The following AGMO variants were observed in gnomAD, a reference collection of about 807,000 sequenced individuals.
AGMO encodes the protein alkylglycerol monooxygenase, also known as glyceryl-ether monooxygenase.
A neutral mutation model predicts 60.2 loss-of-function variants in AGMO; 75 were observed. The ratio of observed to expected loss-of-function variants is 1.25; its 90% CI spans 1.03 to 1.51. The LOEUF (loss-of-function observed/expected upper bound fraction) is 1.51. Ranked by LOEUF, AGMO falls within the 40% of genes most tolerant of loss-of-function variation. AGMO has a pLI of 0.00. For missense variants in AGMO, 763 were observed against 525.5 expected, an observed-to-expected ratio of 1.45 and a Z score of -4.42; for synonymous variants, 261 against 177.1, an observed-to-expected ratio of 1.47 and a Z score of -3.76.
chr7:15,124,284 A>C, the AGMO span, among the ~76,000 whole-genome samples: 7 of 150,898 alleles, frequency 4.6e-5, no homozygotes, highest in East Asian at 1.2e-3. Flanking sequence ...CACCTGAGCC[A>C]CTTATCTCTG....
chr7:15,428,623 TG>T (rs1167353923), intron 4 of AGMO, among the ~76,000 whole-genome samples: 1 of 152,108 alleles, frequency 6.6e-6, no homozygotes, highest in African/African-American at 2.4e-5. Context: ...ACTGATGTTG[TG>T]GGCTTCTTTA....
the AGMO span, among the ~76,000 whole-genome samples, chr7:15,129,279 T>C: frequency 0.019 from 2,540 of 132,548 alleles, 75 homozygotes; most frequent in African/African-American, 0.06. Context: ...CTTTTACTTA[T>C]AGTGCCTGGC....
the AGMO span, among the ~76,000 whole-genome samples, chr7:15,131,292 A>G: frequency 6.6e-6 from 1 of 152,278 alleles, no homozygotes; most frequent in East Asian, 1.9e-4. Flanking sequence ...TTAGAGCTCC[A>G]TAACTTAAAA....
intron 12 of AGMO, among the ~76,000 whole-genome samples, chr7:15,225,902 T>G (rs1782067287): frequency 1.3e-5 from 2 of 152,010 alleles, no homozygotes; most frequent in African/African-American, 4.8e-5. Flanking sequence ...AATTCTCTTC[T>G]TACCCTGGCA....
intron 12 of AGMO, among the ~76,000 whole-genome samples, chr7:15,260,931 A>T (rs530041316): frequency 6.6e-6 from 1 of 152,308 alleles, no homozygotes; most frequent in African/African-American, 2.4e-5. Flanking sequence ...GTCAACAATG[A>T]AATCAAGATG....
At chr7:15,432,482 G>C (rs1457883592) in intron 3 of AGMO, among the ~76,000 whole-genome samples, 1 of 150,466 alleles carries the variant, frequency 6.6e-6, no homozygotes, top group East Asian at 1.9e-4. Context: ...AAAAGGTCTT[G>C]GTAAACAAAT....
At chr7:15,340,890 G>T (rs1286828261) in intron 12 of AGMO, among the ~76,000 whole-genome samples, 1 of 152,108 alleles carries the variant, frequency 6.6e-6, no homozygotes, top group Non-Finnish European at 1.5e-5. Context: ...CCGTTCTCGA[G>T]ACCGCAGAAT....
intron 12 of AGMO, among the ~76,000 whole-genome samples, chr7:15,253,917 T>G (rs1783020240): frequency 6.6e-6 from 1 of 152,118 alleles, no homozygotes; most frequent in Non-Finnish European, 1.5e-5. Context: ...GATCAATATT[T>G]TCAACTCCAT....
intron 5 of AGMO, among the ~76,000 whole-genome samples, chr7:15,408,591 T>C (rs944138559): frequency 7.2e-5 from 11 of 151,848 alleles, no homozygotes; most frequent in Middle Eastern, 6.8e-3. Flanking sequence ...TAGGTACACA[T>C]TGGGGCTCTT....
the AGMO span, among the ~76,000 whole-genome samples, chr7:15,185,949 C>T: frequency 1.3e-5 from 2 of 152,170 alleles, no homozygotes; most frequent in Non-Finnish European, 2.9e-5. Context: ...ACTCTGTATA[C>T]AGAATTTTAA....
intron 12 of AGMO, among the ~76,000 whole-genome samples, chr7:15,233,433 TGAGG>T (rs1011994522): frequency 6.6e-5 from 10 of 151,984 alleles, no homozygotes; most frequent in African/African-American, 2.4e-4. Flanking sequence ...CCAGGGAGAC[TGAGG>T]GAGGGATTCG....
At chr7:15,352,907 T>G (rs557616418) in intron 12 of AGMO, among the ~76,000 whole-genome samples, 1 of 152,184 alleles carries the variant, frequency 6.6e-6, no homozygotes. Flanking sequence ...CTCTATATCA[T>G]AAGATTGTGT....
intron 3 of AGMO, among the ~76,000 whole-genome samples, chr7:15,474,780 AT>A (rs1201450559): frequency 2.6e-5 from 4 of 152,046 alleles, no homozygotes; most frequent in African/African-American, 9.7e-5. Context: ...ATAGGAGAAA[AT>A]TTTTGCAATC....
chr7:15,224,666 C>T (rs1244684873), intron 12 of AGMO, among the ~76,000 whole-genome samples: 2 of 152,014 alleles, frequency 1.3e-5, no homozygotes, highest in South Asian at 2.1e-4. Context: ...TGCCTCATGT[C>T]CCTGAAACTC....
chr7:15,559,357 C>A (rs541674905), intron 2 of AGMO, among the ~76,000 whole-genome samples: 9 of 152,048 alleles, frequency 5.9e-5, no homozygotes, highest in Admixed American at 1.3e-4. Flanking sequence ...GGGATAAGCA[C>A]ACAATTCCAT....
intron 5 of AGMO, among the ~76,000 whole-genome samples, chr7:15,416,255 A>G (rs969446952): frequency 1.3e-5 from 2 of 151,996 alleles, no homozygotes; most frequent in African/African-American, 4.8e-5. Flanking sequence ...GCTGGTCACA[A>G]ACTCCTGACC....
At chr7:15,491,684 G>T (rs1347515359) in intron 3 of AGMO, among the ~76,000 whole-genome samples, 1 of 152,128 alleles carries the variant, frequency 6.6e-6, no homozygotes, top group Non-Finnish European at 1.5e-5. Context: ...GTGAGAACAT[G>T]GTATTCACCA....
the AGMO span, among the ~76,000 whole-genome samples, chr7:15,150,323 C>A: frequency 4.7e-4 from 72 of 152,152 alleles, no homozygotes; most frequent in South Asian, 1.0e-3. Context: ...CTGGCTAGGA[C>A]TTCCAGTAGT....
At position 15,561,808 on chromosome 7, in the gene AGMO, G is replaced by A. The variant is rs768857037; in HGVS notation, c.38C>T (p.Ser13Phe). Residue 13 changes from serine to phenylalanine, a missense_variant, in exon 1 of 13, where the codon TCC (serine) becomes TTC (phenylalanine). Ser to Phe is a radical substitution (Grantham distance 155). Coordinates refer to ENST00000342526, the MANE Select transcript of AGMO (RefSeq NM_001004320.2). The stretch of plus-strand genomic sequence containing the variant: ...GTAAAACAACATGCGAAATCCCTGG[G>A]AAACTGAAACATCCTGCTGGGCTTC... ...NPEAQQDVSVSQGFRMLFYTM... is the reference protein window; with the variant it reads ...NPEAQQDVSVFQGFRMLFYTM... 1.2e-6 allele frequency: 2 copies of A among 1,609,784 alleles called. No individual in the cohort carries two copies. Among genetic ancestry groups the A allele is most frequent in the Admixed American group, 1.7e-5 (1 of 59,702 alleles).
Sources: allele counts gnomAD v4.1 joint callset (sites outside exome capture counted in the v4.1 genomes callset), GRCh38; gene constraint gnomAD v4.1.1; transcripts MANE v1.5; gene names NCBI Gene and HGNC (gene_info 2026-07-23, HGNC 2026-07-21).